The following MAP3K8 variants were observed in gnomAD, a reference collection of about 807,000 sequenced individuals.
The protein encoded by MAP3K8 is Ewing sarcoma transformant.
Under a neutral mutation model 45.8 loss-of-function variants are expected in MAP3K8, and 22 were observed. The ratio of observed to expected loss-of-function variants is 0.48; its 90% CI spans 0.34 to 0.69. MAP3K8 has a LOEUF of 0.69. MAP3K8 is among the 30% of genes least tolerant of loss of function. The pLI, the probability that MAP3K8 is intolerant of heterozygous loss-of-function variation, is 0.01. For synonymous variants in MAP3K8, 223 were observed against 214.3 expected (o/e 1.04, Z -0.36); for missense variants, 419 against 585.0 (o/e 0.72, Z 2.93).
intron 6 of MAP3K8, among the ~76,000 whole-genome samples, chr10:30,453,983 AAAAG>A (rs1836646562): frequency 6.6e-6 from 1 of 150,594 alleles, no homozygotes; most frequent in Non-Finnish European, 1.5e-5. Context: ...GAAGGAAAGA[AAAAG>A]AAGGAAAGAA....
intron 6 of MAP3K8, among the ~76,000 whole-genome samples, chr10:30,455,498 A>C (rs894274868): frequency 6.6e-6 from 1 of 152,236 alleles, no homozygotes; most frequent in Admixed American, 6.5e-5. Flanking sequence ...TGTAATACAC[A>C]TCCAGGGTTA....
chr10:30,442,605 G>A (rs1836152497), intron 3 of MAP3K8, among the ~76,000 whole-genome samples: 1 of 152,206 alleles, frequency 6.6e-6, no homozygotes, highest in Non-Finnish European at 1.5e-5. Flanking sequence ...TGGGGAAGAA[G>A]CTTTGGGAGA....
At chr10:30,452,249 C>T (rs1020124999) in intron 6 of MAP3K8, among the ~76,000 whole-genome samples, 1 of 151,980 alleles carries the variant, frequency 6.6e-6, no homozygotes, top group African/African-American at 2.4e-5. Context: ...ATGGGCGGAT[C>T]ACCTGAGGTC....
chr10:30,435,578 G>T (rs949685356), intron 1 of MAP3K8, among the ~76,000 whole-genome samples: 1 of 152,184 alleles, frequency 6.6e-6, no homozygotes, highest in South Asian at 2.1e-4. Context: ...TTGAGAGGGG[G>T]TTTCACTCTT....
rs1223160092 is a variant in MAP3K8 at position 30,446,551 on chromosome 10, AG to A, written c.337-1230del. Among the ~76,000 whole-genome samples the A allele has an allele frequency of 1.3e-4, 20 of 150,366 alleles. No individual in the cohort carries two copies. In the South Asian group the frequency reaches 1.9e-3, roughly 14 times the overall value. ...CTCCATCTCAAAAAAAAAAAAAAAA[AG>A]AAGAAGAAGAAGTTTCATAACTCCT... On this transcript the variant is annotated intron_variant, in intron 3 of 8. Coordinates refer to ENST00000263056, the MANE Select transcript of MAP3K8 (RefSeq NM_005204.4).
chr10:30,459,005 AG>A (rs1836840058), intron 7 of MAP3K8, among the ~76,000 whole-genome samples: 1 of 152,166 alleles, frequency 6.6e-6, no homozygotes, highest in Non-Finnish European at 1.5e-5. Context: ...TGAGCCCAGG[AG>A]TTCGAGGCTA....
Position 30,437,426 on chromosome 10 carries a change from C to G in MAP3K8, c.-24+20C>G, listed in dbSNP as rs1489321540. On this transcript the variant is annotated intron_variant, in intron 2 of 8. Coordinates refer to ENST00000263056, the MANE Select transcript of MAP3K8 (RefSeq NM_005204.4). ...CATGAGGTAGGTGCTGTTATTACTT[C>G]CATTTTACAGATGGGGAAAATTGAG... 5.8e-6 allele frequency: 3 copies of G among 516,404 alleles called. No individual in the cohort carries two copies. The highest frequency in any genetic ancestry group is 7.5e-6 in the Non-Finnish European group (3 of 401,498). The allele number at this position is 516,404 out of a possible 1,614,324, so 32.0% of individuals were successfully genotyped here. A position where few individuals can be genotyped will look rare whatever the true frequency, so the allele number is the denominator to read the frequency against.
chr10:30,459,706 T>G (rs1180966355), intron 8 of MAP3K8, among the ~76,000 whole-genome samples: 1 of 152,166 alleles, frequency 6.6e-6, no homozygotes. Flanking sequence ...TATAACAGAT[T>G]TTCAGTGCAA....
At chr10:30,451,528 G>A (rs1836538521) in intron 5 of MAP3K8, 110 bp from the exon 6 acceptor site, 3 of 541,564 alleles carry the variant, frequency 5.5e-6, no homozygotes, top group Non-Finnish European at 9.9e-6. Context: ...ACTAGAGGAA[G>A]CATTTCAGTC....
intron 2 of MAP3K8, among the ~76,000 whole-genome samples, chr10:30,438,143 G>C (rs1258907150): frequency 6.6e-6 from 1 of 152,114 alleles, no homozygotes; most frequent in Non-Finnish European, 1.5e-5. Context: ...CTTCTAGAAG[G>C]CCATTTATTT....
chr10:30,455,811 C>T (rs1037921050), intron 6 of MAP3K8, among the ~76,000 whole-genome samples: 6 of 152,202 alleles, frequency 3.9e-5, no homozygotes, highest in Non-Finnish European at 7.3e-5. Flanking sequence ...TCAGAGAGCC[C>T]TGTGTTGGTC....
Position 30,434,220 on chromosome 10 carries a change from T to G in MAP3K8, c.-413T>G, listed in dbSNP as rs1835838771. 6.5e-6 allele frequency: 1 copy of G among 153,884 alleles called. No homozygotes were observed. Among genetic ancestry groups the G allele is most frequent in the Non-Finnish European group, 1.4e-5 (1 of 69,358 alleles). 9.5% of individuals were successfully genotyped at this position (153,884 alleles called of 1,614,324 possible). A position where few individuals can be genotyped will look rare whatever the true frequency, so the allele number is the denominator to read the frequency against. ...CCGCTCTGGACTGCGCGCCACGCTC[T>G]GGGGTCCGGCGCCCTGGTTCCTGCT... On this transcript the variant is annotated 5_prime_UTR_variant, in exon 1 of 9. Coordinates refer to ENST00000263056, the MANE Select transcript of MAP3K8 (RefSeq NM_005204.4).
chr10:30,456,940 C>G (rs1836750729), intron 6 of MAP3K8, among the ~76,000 whole-genome samples: 1 of 152,106 alleles, frequency 6.6e-6, no homozygotes, highest in African/African-American at 2.4e-5. Flanking sequence ...AAAAATTAGC[C>G]AGGCGTGGTA....
At chr10:30,460,600 A>G in intron 8 of MAP3K8, 106 bp from the exon 9 acceptor site, 1 of 874,060 alleles carries the variant, frequency 1.1e-6, no homozygotes, top group South Asian at 1.7e-5. Context: ...CACGCTTAAG[A>G]CACTGTTTTA....
intron 3 of MAP3K8, among the ~76,000 whole-genome samples, chr10:30,446,289 C>T (rs980358326): frequency 9.2e-5 from 14 of 152,134 alleles, no homozygotes; most frequent in African/African-American, 2.7e-4. Flanking sequence ...AATCCCAGAA[C>T]TATAGGAGGC....
At position 30,458,102 on chromosome 10, in the gene MAP3K8, G is replaced by A; in HGVS notation, c.892G>A (p.Val298Ile). The change falls in exon 7 of 9, where the codon GTC becomes ATC. Residue 298 changes from valine (V) to isoleucine (I), a missense_variant. Around this residue, in one of 3 missense-constraint regions of MAP3K8, gnomAD observed 209 missense variants for 367.3 expected, o/e 0.57. Coordinates refer to ENST00000263056, the MANE Select transcript of MAP3K8 (RefSeq NM_005204.4). Reference protein sequence around the residue: ...RGTEIYMSPEVILCRGHSTKA... With the variant: ...RGTEIYMSPEIILCRGHSTKA... ...TTTTCAGATTTACATGAGCCCAGAG[G>A]TCATCCTGTGCAGGGGCCATTCAAC... The A allele has an allele frequency of 6.4e-7, 1 of 1,568,564 alleles. No individual in the cohort carries two copies. Among genetic ancestry groups the A allele is most frequent in the Non-Finnish European group, 8.6e-7 (1 of 1,156,294 alleles).
intron 1 of MAP3K8, among the ~76,000 whole-genome samples, chr10:30,436,543 A>G (rs1835914346): frequency 6.6e-6 from 1 of 152,124 alleles, no homozygotes; most frequent in Non-Finnish European, 1.5e-5. Context: ...GGTTTTACAT[A>G]TAAATGCCTG....
At chr10:30,437,150 TTC>T in intron 1 of MAP3K8, 24 bp from the exon 2 acceptor site, 2 of 985,222 alleles carry the variant, frequency 2.0e-6, no homozygotes, top group Non-Finnish European at 2.4e-6. Flanking sequence ...TGCCTTTTTT[TTC>T]TCTCTCTTTA....
chr10:30,437,770 T>TCA, intron 2 of MAP3K8, among the ~76,000 whole-genome samples: 1 of 152,356 alleles, frequency 6.6e-6, no homozygotes, highest in Non-Finnish European at 1.5e-5. Flanking sequence ...CAGACGTGCG[T>TCA]GGCTTTAGCC....
Sources: gnomAD v4.1 joint callset for allele counts (sites outside exome capture counted in the v4.1 genomes callset) on GRCh38, gnomAD v4.1.1 for gene constraint, gnomAD v4.1.1 regional missense constraint, MANE v1.5 for transcripts, NCBI Gene and HGNC (gene_info 2026-07-23, HGNC 2026-07-21) for gene names.